Variants in LUZP2 observed in about 807,000 individuals in gnomAD.
The protein encoded by LUZP2 is leucine zipper protein 2.
Under a neutral mutation model 51.6 loss-of-function variants are expected in LUZP2, and 52 were observed. The ratio of observed to expected loss-of-function variants is 1.01; its 90% CI spans 0.81 to 1.27. The LOEUF is 1.27. LUZP2 is among the 50% of genes most tolerant of loss of function. LUZP2 has a pLI of 0.00. For missense variants in LUZP2, 436 were observed against 395.4 expected, an observed-to-expected ratio of 1.10 and a Z score of -0.87; for synonymous variants, 154 against 137.3, an observed-to-expected ratio of 1.12 and a Z score of -0.85.
In LUZP2 at chr11:25,028,067, T is replaced by A. The variant is rs1857547382; in HGVS notation, c.766-21971T>A. 3.9e-5 allele frequency among the ~76,000 whole-genome samples: 6 copies of A among 152,092 alleles called. No homozygotes were observed. The South Asian group carries it at 1.2e-3, about 31-fold the overall frequency. ...AACTTTTGATTTATTTTTAATTAAT[T>A]TTTAATTTGGGGGTACTAGTAGGTG... is the stretch of plus-strand genomic sequence containing the variant. On this transcript the variant is annotated intron_variant, in intron 9 of 11. Transcript: ENST00000336930.
intron 1 of LUZP2, among the ~76,000 whole-genome samples, chr11:24,620,547 G>A (rs555118068): frequency 6.6e-6 from 1 of 152,232 alleles, no homozygotes; most frequent in South Asian, 2.1e-4. Context: ...ATGTTGTTCT[G>A]TAGATCAAAT....
In LUZP2 at chr11:24,603,850, G is replaced by C. The variant is rs945679863; in HGVS notation, c.62+106545G>C. Among the ~76,000 whole-genome samples, 4 of 151,354 alleles carry C rather than the reference G, an allele frequency of 2.6e-5. No homozygotes were observed. In the East Asian group the frequency reaches 5.8e-4, roughly 22 times the overall value. On this transcript the variant is annotated intron_variant, in intron 1 of 11. Transcript: ENST00000336930. The stretch of plus-strand genomic sequence containing the variant: ...AAAAGAAAAAGATACAGGAATACAG[G>C]GTTTATAATCACCTAAAAAAAGTCA...
At chr11:24,520,472 G>A (rs1850607583) in intron 1 of LUZP2, among the ~76,000 whole-genome samples, 2 of 152,160 alleles carry the variant, frequency 1.3e-5, no homozygotes, top group African/African-American at 4.8e-5. Context: ...TAATGAAAAG[G>A]TTGTATAATT....
chr11:24,998,384 TG>T (rs1275641727), intron 9 of LUZP2, among the ~76,000 whole-genome samples: 2 of 152,198 alleles, frequency 1.3e-5, no homozygotes, highest in Non-Finnish European at 2.9e-5. Context: ...TTGAAGCAAT[TG>T]TGAATGGGAG....
intron 5 of LUZP2, among the ~76,000 whole-genome samples, chr11:24,832,765 A>C (rs1265508435): frequency 6.6e-6 from 1 of 152,048 alleles, no homozygotes; most frequent in Non-Finnish European, 1.5e-5. Context: ...AATGTTCACA[A>C]TAATATTAAT....
At chr11:24,704,155 A>AGAT (rs1229424369) in intron 1 of LUZP2, among the ~76,000 whole-genome samples, 2 of 152,174 alleles carry the variant, frequency 1.3e-5, no homozygotes, top group Non-Finnish European at 2.9e-5. Context: ...CGGGAATATT[A>AGAT]GATTATCAGG....
intron 7 of LUZP2, among the ~76,000 whole-genome samples, chr11:24,963,864 T>G (rs10219344): frequency 0.96 from 145,447 of 152,242 alleles, 69,541 homozygotes; most frequent in Non-Finnish European, 0.98. Context: ...GCGTTGCTCA[T>G]GCTGGGAGCT....
At chr11:25,019,884 G>T (rs1032451759) in intron 9 of LUZP2, among the ~76,000 whole-genome samples, 2 of 148,482 alleles carry the variant, frequency 1.3e-5, no homozygotes, top group African/African-American at 5.2e-5. Flanking sequence ...AATGACTCTA[G>T]ATTTTCACAT....
intron 1 of LUZP2, among the ~76,000 whole-genome samples, chr11:24,633,041 C>A (rs1854948054): frequency 6.6e-6 from 1 of 151,936 alleles, no homozygotes; most frequent in Non-Finnish European, 1.5e-5. Context: ...GAAATCTGAG[C>A]AACAGGAGTA....
At chr11:24,758,277 A>G (rs1590463930) in intron 4 of LUZP2, among the ~76,000 whole-genome samples, 2 of 152,076 alleles carry the variant, frequency 1.3e-5, no homozygotes, top group African/African-American at 4.8e-5. Flanking sequence ...CTAACTCAGA[A>G]ACCATAAAGA....
At chr11:24,571,333 C>G (rs561689155) in intron 1 of LUZP2, among the ~76,000 whole-genome samples, 16 of 145,334 alleles carry the variant, frequency 1.1e-4, no homozygotes, top group African/African-American at 3.9e-4. Flanking sequence ...TGCTCCTTGT[C>G]CAGACAGCTC....
chr11:24,545,426 A>G (rs1851508081), intron 1 of LUZP2, among the ~76,000 whole-genome samples: 1 of 151,926 alleles, frequency 6.6e-6, no homozygotes, highest in Non-Finnish European at 1.5e-5. Context: ...TTAAATGTTT[A>G]ATCTATCTTG....
At chr11:24,758,648 C>T (rs913048193) in intron 4 of LUZP2, among the ~76,000 whole-genome samples, 1 of 151,956 alleles carries the variant, frequency 6.6e-6, no homozygotes, top group East Asian at 1.9e-4. Context: ...ATCACTGATG[C>T]TCTCTCTCAA....
intron 1 of LUZP2, among the ~76,000 whole-genome samples, chr11:24,652,876 A>G (rs77141951): frequency 0.024 from 3,574 of 150,666 alleles, 69 homozygotes; most frequent in Middle Eastern, 0.065. Context: ...AATAAGTAAT[A>G]GGGTTCAAGC....
At chr11:24,782,566 G>A (rs1849125127) in intron 5 of LUZP2, among the ~76,000 whole-genome samples, 1 of 151,770 alleles carries the variant, frequency 6.6e-6, no homozygotes, top group Admixed American at 6.6e-5. Context: ...TAAGCTCCTG[G>A]TCCCCTGCTA....
intron 5 of LUZP2, among the ~76,000 whole-genome samples, chr11:24,877,778 G>A (rs996430595): frequency 3.3e-5 from 5 of 152,002 alleles, no homozygotes; most frequent in African/African-American, 1.2e-4. Flanking sequence ...TCAGGCTGTG[G>A]TAAGCATCCT....
chr11:25,030,938 T>TTGTATTA (rs1565254648), intron 9 of LUZP2, among the ~76,000 whole-genome samples: 6 of 1,364 alleles, frequency 4.4e-3, no homozygotes, highest in South Asian at 0.024. Context: ...ATAATATATA[T>TTGTATTA]TATATATATT....
At chr11:25,043,275 A>G (rs1858133052) in intron 9 of LUZP2, among the ~76,000 whole-genome samples, 1 of 152,196 alleles carries the variant, frequency 6.6e-6, no homozygotes, top group South Asian at 2.1e-4. Context: ...TGTCATATAA[A>G]GTAGAACATT....
chr11:24,536,751 A>G (rs541032601), intron 1 of LUZP2, among the ~76,000 whole-genome samples: 1 of 152,014 alleles, frequency 6.6e-6, no homozygotes, highest in South Asian at 2.1e-4. Flanking sequence ...ATTTCCTTCA[A>G]GAACATTTCT....
Sources: allele counts gnomAD v4.1 joint callset (sites outside exome capture counted in the v4.1 genomes callset), GRCh38; gene constraint gnomAD v4.1.1; transcripts MANE v1.5; gene names NCBI Gene and HGNC (gene_info 2026-07-23, HGNC 2026-07-21).